Variants in CCSAP observed in about 807,000 individuals in gnomAD.
CCSAP encodes the protein centriole, cilia and spindle associated protein, also known as centriole, cilia and spindle-associated protein.
In CCSAP, 17 loss-of-function variants were observed where a neutral mutation model predicts 25.9. That is an observed-to-expected ratio of 0.66 (90% CI 0.45 to 0.99). CCSAP has a LOEUF of 0.99. Ranked by LOEUF, CCSAP falls within the 50% of genes least tolerant of loss-of-function variation. CCSAP has a pLI of 0.00. For synonymous variants in CCSAP, 169 were observed against 157.1 expected (o/e 1.08, Z -0.57); for missense variants, 339 against 367.8 (o/e 0.92, Z 0.64).
At chr1:229,328,469 T>G (rs1363373892) in intron 2 of CCSAP, among the ~76,000 whole-genome samples, 1 of 96,214 alleles carries the variant, frequency 1.0e-5, no homozygotes, top group Admixed American at 1.0e-4. Flanking sequence ...CCCAGGCAAT[T>G]TACAAAAAAA....
At chr1:229,327,534 G>A (rs1285552238) in intron 2 of CCSAP, 3 of 456,030 alleles carry the variant, frequency 6.6e-6, no homozygotes, top group South Asian at 1.5e-5. Context: ...CATCGTTACC[G>A]CCTAGGTGCG....
intron 2 of CCSAP, among the ~76,000 whole-genome samples, chr1:229,333,621 T>C (rs1157408402): frequency 6.6e-6 from 1 of 152,078 alleles, no homozygotes; most frequent in East Asian, 1.9e-4. Flanking sequence ...GGCTCAAGCC[T>C]GTAATCCCAG....
chr1:229,340,555 G>C (rs1338302782), intron 2 of CCSAP: 2 of 663,830 alleles, frequency 3.0e-6, no homozygotes, highest in East Asian at 5.5e-5. Context: ...AATTTAGCTA[G>C]CAGATCAGTA....
chr1:229,331,611 A>G (rs1658066959), intron 2 of CCSAP, among the ~76,000 whole-genome samples: 1 of 151,678 alleles, frequency 6.6e-6, no homozygotes, highest in Non-Finnish European at 1.5e-5. Flanking sequence ...CAGAAACCGA[A>G]TCTCTCCTGC....
rs1658370145 is a variant in CCSAP, at chr1:229,342,643, C to A, written c.-48-130G>T. The stretch of plus-strand genomic sequence containing the variant: ...GGTCCCGGCGAGGGCGGGGAGGGGG[C>A]GGGGCGGGGGCGGCCTCACCCGGCG... On this transcript the variant is annotated intron_variant, in intron 1 of 3. Coordinates refer to ENST00000284617, the MANE Select transcript of CCSAP (RefSeq NM_145257.5). This position sits in a 1 kb window ranked among gnomAD's most constrained non-coding sequence, Gnocchi z 7.5. The A allele has an allele frequency of 5.1e-6, 2 of 389,160 alleles. No individual in the cohort carries two copies. Among genetic ancestry groups the A allele is most frequent in the Non-Finnish European group, 8.8e-6 (2 of 227,190 alleles). The allele number at this position is 389,160 out of a possible 1,614,324, so 24.1% of individuals were successfully genotyped here. A position where few individuals can be genotyped will look rare whatever the true frequency, so the allele number is the denominator to read the frequency against.
At chr1:229,334,379 T>C (rs1337449167) in intron 2 of CCSAP, among the ~76,000 whole-genome samples, 1 of 152,144 alleles carries the variant, frequency 6.6e-6, no homozygotes, top group Non-Finnish European at 1.5e-5. Context: ...TTTTAAAAAA[T>C]CATAATGAAA....
rs752716539 is a variant in CCSAP at position 229,342,315 on chromosome 1, C to A, written c.151G>T (p.Asp51Tyr). 2.7e-6 allele frequency: 4 copies of A among 1,475,252 alleles called. No homozygotes were observed. Among genetic ancestry groups the A allele is most frequent in the South Asian group, 1.3e-5 (1 of 75,636 alleles). 91.4% of individuals were successfully genotyped at this position (1,475,252 alleles called of 1,614,324 possible). ...EQAHAPWLWD[D>Y]WGPAGSSEDS... is the part of the protein sequence containing the mutation. The stretch of plus-strand genomic sequence containing the variant: ...TCCGAGGAGCCGGCCGGGCCCCAGT[C>A]GTCCCAGAGCCAGGGCGCGTGCGCC... The change falls in exon 2 of 4, where the codon GAC becomes TAC. Residue 51 changes from aspartate (D) to tyrosine (Y), a missense_variant. Coordinates refer to ENST00000284617, the MANE Select transcript of CCSAP (RefSeq NM_145257.5). The surrounding 1 kb of genome is among the most constrained non-coding windows in gnomAD (Gnocchi z 7.5).
chr1:229,342,671 C>T lies in CCSAP; in HGVS notation c.-48-158G>A, dbSNP rs1284180906. 6.6e-6 allele frequency among the ~76,000 whole-genome samples: 1 copy of T among 151,906 alleles called. No homozygotes were observed. The highest frequency in any genetic ancestry group is 2.4e-5 in the African/African-American group (1 of 41,396). On this transcript the variant is annotated intron_variant, in intron 1 of 3. Coordinates refer to ENST00000284617, the MANE Select transcript of CCSAP (RefSeq NM_145257.5). This position sits in a 1 kb window ranked among gnomAD's most constrained non-coding sequence, Gnocchi z 7.5. The stretch of plus-strand genomic sequence containing the variant: ...GGCGGGGGCGGCCTCACCCGGCGGC[C>T]GGGACCAAGAGCAGAGGCGGGGACC...
At chr1:229,337,678 A>AAAAAAAAAAATAT in intron 2 of CCSAP, among the ~76,000 whole-genome samples, 2 of 65,512 alleles carry the variant, frequency 3.1e-5, no homozygotes, top group Admixed American at 1.9e-4. Context: ...CTCAAAAAAA[A>AAAAAAAAAAATAT]ATATATATAT....
chr1:229,342,585 C>A lies in CCSAP; in HGVS notation c.-48-72G>T, dbSNP rs1302507140. On this transcript the variant is annotated intron_variant, in intron 1 of 3. Transcript: ENST00000284617. The surrounding 1 kb of genome is among the most constrained non-coding windows in gnomAD (Gnocchi z 7.5). ...GGCCCTGCCCGCCGCGACGTTTAAA[C>A]CCGGAGCCCCGCCCGGACGGGAGCA... is the stretch of plus-strand genomic sequence containing the variant. 3.2e-6 allele frequency: 2 copies of A among 624,408 alleles called. No individual in the cohort carries two copies. The highest frequency in any genetic ancestry group is 4.6e-6 in the Non-Finnish European group (2 of 434,994). 38.7% of individuals were successfully genotyped at this position (624,408 alleles called of 1,614,324 possible).
intron 2 of CCSAP, among the ~76,000 whole-genome samples, chr1:229,331,707 G>A (rs1349367189): frequency 3.3e-5 from 5 of 151,866 alleles, no homozygotes; most frequent in East Asian, 3.9e-4. Flanking sequence ...GGAGGCCGGC[G>A]AGACAGCATG....
rs1195075504 is a variant in CCSAP at position 229,321,926 on chromosome 1, A to G, written c.*3309T>C. On this transcript the variant is annotated 3_prime_UTR_variant, in exon 4 of 4. Transcript: ENST00000284617. ...TCCTTGTCATTATTCCCTAAACAAT[A>G]TAGTATAACAACTATTTACAGAGCA... The G allele has an allele frequency of 2.0e-5, 3 of 152,222 alleles. No homozygotes were observed. Among genetic ancestry groups the G allele is most frequent in the Non-Finnish European group, 4.4e-5 (3 of 68,046 alleles). 9.4% of individuals were successfully genotyped at this position (152,222 alleles called of 1,614,324 possible).
At chr1:229,329,779 T>A (rs1658027858) in intron 2 of CCSAP, among the ~76,000 whole-genome samples, 1 of 151,956 alleles carries the variant, frequency 6.6e-6, no homozygotes, top group Non-Finnish European at 1.5e-5. Context: ...TCACCTGAGG[T>A]CTGGAGTTTG....
At chr1:229,332,761 A>C (rs922771646) in intron 2 of CCSAP, among the ~76,000 whole-genome samples, 1 of 152,216 alleles carries the variant, frequency 6.6e-6, no homozygotes, top group African/African-American at 2.4e-5. Context: ...CAGTTCCTCA[A>C]GTTACACTAG....
At chr1:229,338,260 A>G (rs1035179997) in intron 2 of CCSAP, among the ~76,000 whole-genome samples, 14 of 152,304 alleles carry the variant, frequency 9.2e-5, no homozygotes, top group African/African-American at 3.1e-4. Flanking sequence ...ATAAGATTAA[A>G]TAAAAAGAGG....
chr1:229,328,139 A>G (rs540229777), intron 2 of CCSAP, among the ~76,000 whole-genome samples: 88 of 152,354 alleles, frequency 5.8e-4, no homozygotes, highest in African/African-American at 2.0e-3. Context: ...ACGATTCAGT[A>G]TAAACACTTT....
intron 2 of CCSAP, among the ~76,000 whole-genome samples, 187 bp downstream of exon 2, chr1:229,341,912 G>A (rs1459756473): frequency 4.6e-5 from 7 of 151,640 alleles, no homozygotes; most frequent in Admixed American, 4.6e-4. Flanking sequence ...ACCTAATTAA[G>A]GAAATAAAGG....
intron 2 of CCSAP, among the ~76,000 whole-genome samples, chr1:229,337,759 AAAAATC>A (rs1224256733): frequency 6.9e-6 from 1 of 145,322 alleles, no homozygotes; most frequent in Non-Finnish European, 1.5e-5. Context: ...AAGGGAAAAA[AAAAATC>A]AGATGAATAG....
chr1:229,337,698 TAC>T (rs58144091), intron 2 of CCSAP, among the ~76,000 whole-genome samples: 1 of 60,720 alleles, frequency 1.6e-5, no homozygotes. Context: ...TATATATATA[TAC>T]ACATACATAT....
Sources: gnomAD v4.1 joint callset for allele counts (sites outside exome capture counted in the v4.1 genomes callset) on GRCh38, gnomAD v4.1.1 for gene constraint, Gnocchi (gnomAD v3.1) non-coding constraint, MANE v1.5 for transcripts, NCBI Gene and HGNC (gene_info 2026-07-23, HGNC 2026-07-21) for gene names.